Variants in ROR2 observed in about 807,000 individuals in gnomAD.
ROR2 encodes the protein tyrosine-protein kinase transmembrane receptor ROR2.
ROR2 carries 33 observed loss-of-function variants against 74.9 expected under a neutral mutation model. That is an observed-to-expected ratio of 0.44 (90% CI 0.33 to 0.59). ROR2 has a LOEUF of 0.59. Ranked by LOEUF, ROR2 falls within the 20% of genes least tolerant of loss-of-function variation. ROR2 has a pLI of 0.02. For missense variants in ROR2, 1,216 were observed against 1,313.8 expected, an observed-to-expected ratio of 0.93 and a Z score of 1.15; for synonymous variants, 586 against 558.7, an observed-to-expected ratio of 1.05 and a Z score of -0.69.
At chr9:91,863,368 A>G (rs1829529133) in intron 1 of ROR2, among the ~76,000 whole-genome samples, 1 of 152,234 alleles carries the variant, frequency 6.6e-6, no homozygotes, top group South Asian at 2.1e-4. Context: ...TATACAACCA[A>G]GAGAAATGAA....
intron 1 of ROR2, among the ~76,000 whole-genome samples, chr9:91,924,652 G>A (rs1172255806): frequency 1.3e-5 from 2 of 152,098 alleles, no homozygotes; most frequent in African/African-American, 4.8e-5. Context: ...AACTAGCCAG[G>A]CGTGGTAGCG....
At chr9:91,746,116 G>A (rs1825406447) in intron 4 of ROR2, among the ~76,000 whole-genome samples, 1 of 152,004 alleles carries the variant, frequency 6.6e-6, no homozygotes, top group Non-Finnish European at 1.5e-5. Context: ...TCGCTCTGTT[G>A]GCCAGGCTGG....
At chr9:91,795,396 A>AT (rs2119023218) in intron 1 of ROR2, among the ~76,000 whole-genome samples, 1 of 152,370 alleles carries the variant, frequency 6.6e-6, no homozygotes, top group South Asian at 2.1e-4. Flanking sequence ...CTGATGTTGA[A>AT]TATACTTAAG....
chr9:91,872,582 G>T (rs751897385), intron 1 of ROR2, among the ~76,000 whole-genome samples: 1 of 152,116 alleles, frequency 6.6e-6, no homozygotes, highest in African/African-American at 2.4e-5. Context: ...CTACCTTGGG[G>T]CTGGTGTGTT....
chr9:91,791,692 G>C (rs147731749), intron 1 of ROR2, among the ~76,000 whole-genome samples: 182 of 152,190 alleles, frequency 1.2e-3, no homozygotes, highest in African/African-American at 4.3e-3. Context: ...CAATATATCA[G>C]TAAGAAAATA....
intron 1 of ROR2, among the ~76,000 whole-genome samples, chr9:91,910,140 G>A (rs928839816): frequency 3.3e-5 from 5 of 152,078 alleles, no homozygotes; most frequent in Admixed American, 2.0e-4. Flanking sequence ...GATTACAGGC[G>A]TGAGCAACCA....
At chr9:91,779,109 C>A (rs1047085835) in intron 1 of ROR2, among the ~76,000 whole-genome samples, 2 of 151,986 alleles carry the variant, frequency 1.3e-5, no homozygotes, top group Admixed American at 6.6e-5. Context: ...ATAGTGTGAA[C>A]GTTAGTCAAG....
intron 1 of ROR2, among the ~76,000 whole-genome samples, chr9:91,836,876 C>T (rs796502864): frequency 8.5e-5 from 13 of 152,370 alleles, no homozygotes; most frequent in African/African-American, 2.9e-4. Flanking sequence ...TCACACAAGC[C>T]CTGTCCATTC....
At chr9:91,812,814 C>T (rs113742949) in intron 1 of ROR2, among the ~76,000 whole-genome samples, 19 of 152,196 alleles carry the variant, frequency 1.2e-4, no homozygotes, top group African/African-American at 4.3e-4. Flanking sequence ...TACCCCTTCA[C>T]CAAAGAGAGA....
chr9:91,824,651 G>C (rs542148659), intron 1 of ROR2, among the ~76,000 whole-genome samples: 1 of 152,312 alleles, frequency 6.6e-6, no homozygotes, highest in East Asian at 1.9e-4. Context: ...GCACATCTGG[G>C]AGTGCCCGGG....
chr9:91,859,819 C>T (rs1038426016), intron 1 of ROR2, among the ~76,000 whole-genome samples: 8 of 151,692 alleles, frequency 5.3e-5, no homozygotes, highest in African/African-American at 1.7e-4. Context: ...AGTGAGGCTC[C>T]GTCTCAAACA....
intron 1 of ROR2, among the ~76,000 whole-genome samples, chr9:91,801,171 C>T (rs1329307572): frequency 6.6e-6 from 1 of 152,122 alleles, no homozygotes; most frequent in Non-Finnish European, 1.5e-5. Context: ...AATTAACCAC[C>T]CTAGCCCAAA....
intron 1 of ROR2, among the ~76,000 whole-genome samples, chr9:91,857,904 A>T (rs1261340743): frequency 6.6e-6 from 1 of 152,186 alleles, no homozygotes; most frequent in Non-Finnish European, 1.5e-5. Flanking sequence ...ATCAAGCATA[A>T]ATCCTGTTGA....
At chr9:91,838,459 A>G (rs942740944) in intron 1 of ROR2, among the ~76,000 whole-genome samples, 7 of 152,186 alleles carry the variant, frequency 4.6e-5, no homozygotes, top group South Asian at 2.1e-4. Flanking sequence ...GCCTGGTCAC[A>G]GCCGCTATCT....
chr9:91,897,199 G>C (rs1237900039), intron 1 of ROR2, among the ~76,000 whole-genome samples: 1 of 152,238 alleles, frequency 6.6e-6, no homozygotes, highest in Admixed American at 6.5e-5. Flanking sequence ...GGGAGTTTTC[G>C]AGTCCCATTA....
chr9:91,933,294 C>G (rs760838481), intron 1 of ROR2, among the ~76,000 whole-genome samples: 1 of 152,032 alleles, frequency 6.6e-6, no homozygotes, highest in Non-Finnish European at 1.5e-5. Context: ...CCAGCCTGGG[C>G]GACAGGGCCA....
Position 91,744,629 on chromosome 9 carries a change from A to G in ROR2, c.495-7111T>C, listed in dbSNP as rs550231242. Among the ~76,000 whole-genome samples, 8 of 152,302 alleles carry G rather than the reference A, an allele frequency of 5.3e-5. No individual in the cohort carries two copies. The East Asian group carries it at 7.7e-4, about 15-fold the overall frequency. ...ATACTCTGAATATCTGACTGTACTG[A>G]TAACAGATGTGGCAAAAACATCCAC... On this transcript the variant is annotated intron_variant, in intron 4 of 8. Transcript: ENST00000375708.
chr9:91,928,695 T>A (rs1831472714), intron 1 of ROR2, among the ~76,000 whole-genome samples: 4 of 152,194 alleles, frequency 2.6e-5, no homozygotes, highest in Non-Finnish European at 4.4e-5. Context: ...TCACAGACTG[T>A]TTCAAAGACT....
At chr9:91,800,639 G>A (rs1827343119) in intron 1 of ROR2, among the ~76,000 whole-genome samples, 1 of 152,200 alleles carries the variant, frequency 6.6e-6, no homozygotes. Flanking sequence ...AGGCAGATCA[G>A]CTTCCTGATC....
Sources: allele counts gnomAD v4.1 joint callset (sites outside exome capture counted in the v4.1 genomes callset), GRCh38; gene constraint gnomAD v4.1.1; transcripts MANE v1.5; gene names NCBI Gene and HGNC (gene_info 2026-07-23, HGNC 2026-07-21).